The following ASB14 variants were observed in gnomAD, a reference collection of about 807,000 sequenced individuals.
The protein encoded by ASB14 is ankyrin repeat and SOCS box protein 14.
Under a neutral mutation model 55.6 loss-of-function variants are expected in ASB14, and 63 were observed. The ratio of observed to expected loss-of-function variants is 1.13; its 90% CI spans 0.92 to 1.40. The LOEUF is 1.40. Among genes scored for constraint, ASB14 ranks in the 40% most tolerant of loss-of-function variants. ASB14 has a pLI of 0.00. For missense variants in ASB14, 724 were observed against 710.4 expected (o/e 1.02, Z -0.22); for synonymous variants, 256 against 259.9 (o/e 0.98, Z 0.15).
chr3:57,282,810 T>C (rs1371509978), intron 6 of ASB14, among the ~76,000 whole-genome samples: 1 of 152,148 alleles, frequency 6.6e-6, no homozygotes, highest in Non-Finnish European at 1.5e-5. Context: ...CTAAAGCCAT[T>C]TGGTAACAGA....
At chr3:57,274,161 G>C (rs2060968288) in intron 10 of ASB14, among the ~76,000 whole-genome samples, 1 of 151,762 alleles carries the variant, frequency 6.6e-6, no homozygotes, top group Admixed American at 6.6e-5. Flanking sequence ...CCCTACACTA[G>C]AAAAAAAATC....
intron 8 of ASB14, 116 bp downstream of exon 8, chr3:57,278,261 T>C: frequency 1.4e-6 from 1 of 708,710 alleles, no homozygotes; most frequent in Non-Finnish European, 2.3e-6. Context: ...ATAATTATTA[T>C]ACTAGGATCT....
chr3:57,275,973 A>T (rs2060982431), intron 10 of ASB14, among the ~76,000 whole-genome samples: 1 of 152,184 alleles, frequency 6.6e-6, no homozygotes, highest in African/African-American at 2.4e-5. Context: ...AAAATACAGT[A>T]TGTTTAGGGT....
At chr3:57,276,456 G>A in intron 10 of ASB14, 72 bp downstream of exon 10, 2 of 1,146,446 alleles carry the variant, frequency 1.7e-6, no homozygotes, top group Non-Finnish European at 2.5e-6. Flanking sequence ...TGAGATTTTA[G>A]TTGGTGGGTA....
At chr3:57,288,889 C>A (rs1207535916) in intron 3 of ASB14, 179 bp downstream of exon 3, 4 of 425,250 alleles carry the variant, frequency 9.4e-6, no homozygotes, top group Non-Finnish European at 1.7e-5. Context: ...TAATTTTTTG[C>A]ATTTTTAGTA....
At chr3:57,288,733 G>A (rs976933244) in intron 3 of ASB14, among the ~76,000 whole-genome samples, 5 of 46,894 alleles carry the variant, frequency 1.1e-4, no homozygotes, top group Admixed American at 3.9e-4. Flanking sequence ...TTTTTTTTGT[G>A]AGACGGAGTC....
At chr3:57,288,729 T>C (rs1189779274) in intron 3 of ASB14, among the ~76,000 whole-genome samples, 3 of 126,302 alleles carry the variant, frequency 2.4e-5, no homozygotes, top group South Asian at 2.4e-4. Context: ...TTTTTTTTTT[T>C]TGTGAGACGG....
chr3:57,291,896 A>T lies in ASB14; in HGVS notation c.122+16T>A. On this transcript the variant is annotated intron_variant, in intron 2 of 10. Transcript: ENST00000487349. ...TACAACACTTAATACTATATTGCCG[A>T]TGAGAAAACCATTACCTCTCATCCT... The T allele has an allele frequency of 6.6e-7, 1 of 1,522,640 alleles. No homozygotes were observed. Among genetic ancestry groups the T allele is most frequent in the Non-Finnish European group, 8.8e-7 (1 of 1,134,148 alleles). 94.3% of individuals were successfully genotyped at this position (1,522,640 alleles called of 1,614,324 possible).
chr3:57,275,974 T>C (rs529876045), intron 10 of ASB14, among the ~76,000 whole-genome samples: 5 of 152,290 alleles, frequency 3.3e-5, no homozygotes, highest in African/African-American at 1.2e-4. Context: ...AAATACAGTA[T>C]GTTTAGGGTT....
At chr3:57,286,536 A>T (rs2061082223) in intron 5 of ASB14, among the ~76,000 whole-genome samples, 1 of 152,194 alleles carries the variant, frequency 6.6e-6, no homozygotes, top group Non-Finnish European at 1.5e-5. Flanking sequence ...AACTTTATCC[A>T]TCTCGCTATT....
At chr3:57,283,752 T>C (rs12488822) in intron 5 of ASB14, among the ~76,000 whole-genome samples, 102,504 of 151,756 alleles carry the variant, frequency 0.68, 34,991 homozygotes, top group East Asian at 0.92. Flanking sequence ...TTATTCAGTA[T>C]AGTCCTGGAA....
At chr3:57,281,090 T>TA (rs1439238986) in intron 6 of ASB14, among the ~76,000 whole-genome samples, 1 of 152,174 alleles carries the variant, frequency 6.6e-6, no homozygotes, top group Non-Finnish European at 1.5e-5. Context: ...GCACTACACT[T>TA]ACAAGTTGCA....
chr3:57,268,417 AAC>A lies in ASB14; in HGVS notation c.*1222_*1223del. On this transcript the variant is annotated 3_prime_UTR_variant, in exon 11 of 11. Transcript: ENST00000487349. ...CTTTAGGATCGTAGGGCATCAGAAAAACAAAAAGAAATAGAGAGAGTAAAAGA... is the reference window on the plus strand; with the variant it reads ...CTTTAGGATCGTAGGGCATCAGAAAAAAAAAGAAATAGAGAGAGTAAAAGA... The A allele has an allele frequency of 6.3e-7, 1 of 1,594,998 alleles. No individual in the cohort carries two copies. Among genetic ancestry groups the A allele is most frequent in the Non-Finnish European group, 8.5e-7 (1 of 1,169,616 alleles).
chr3:57,283,845 AAC>A (rs1310534553), intron 5 of ASB14, among the ~76,000 whole-genome samples: 2 of 151,988 alleles, frequency 1.3e-5, no homozygotes, highest in African/African-American at 2.4e-5. Context: ...TTAAAAAAAA[AAC>A]AAAAACAAAA....
Position 57,269,095 on chromosome 3 carries a change from TGGCAAAGATGACATTGAAGTGA to T in ASB14, c.*524_*545del, listed in dbSNP as rs2060916459. 6.3e-6 allele frequency: 1 copy of T among 157,568 alleles called. No homozygotes were observed. The highest frequency in any genetic ancestry group is 6.3e-5 in the Admixed American group (1 of 15,952). The allele number at this position is 157,568 out of a possible 1,614,324, so 9.8% of individuals were successfully genotyped here. A position where few individuals can be genotyped will look rare whatever the true frequency, so the allele number is the denominator to read the frequency against. On this transcript the variant is annotated 3_prime_UTR_variant, in exon 11 of 11. Coordinates refer to ENST00000487349, the MANE Select transcript of ASB14 (RefSeq NM_001142733.3). ...GCTCTCTGGACAAAGAAGAGGGAAG[TGGCAAAGATGACATTGAAGTGA>T]GGCTTTCTTGATAGGCGAGGCTGAG...
intron 5 of ASB14, 78 bp downstream of exon 5, chr3:57,287,823 A>G (rs1418163404): frequency 6.9e-7 from 1 of 1,439,358 alleles, no homozygotes; most frequent in Non-Finnish European, 9.3e-7. Context: ...ACTATGCATA[A>G]AAAGCTGCCT....
chr3:57,284,114 GTGTGTGTGTGTA>G (rs1188335571), intron 5 of ASB14, among the ~76,000 whole-genome samples: 1 of 151,104 alleles, frequency 6.6e-6, no homozygotes, highest in African/African-American at 2.4e-5. Flanking sequence ...GTGTGTGTGT[GTGTGTGTGTGTA>G]TGTATGTAAA....
chr3:57,278,358 G>T lies in ASB14; in HGVS notation c.1431+19C>A, dbSNP rs1248144550. The stretch of plus-strand genomic sequence containing the variant: ...CAAATAATGACTGTAAGGGAATACA[G>T]CCAATACTGTGGACTTACCTTAGTA... On this transcript the variant is annotated intron_variant, in intron 8 of 10. Transcript: ENST00000487349. 1 of 1,588,704 alleles carries T rather than the reference G, an allele frequency of 6.3e-7. No individual in the cohort carries two copies.
intron 10 of ASB14, chr3:57,273,577 A>ATAAT (rs1248449966): frequency 6.6e-6 from 1 of 152,608 alleles, no homozygotes; most frequent in African/African-American, 2.4e-5. Context: ...TAGCCCAACT[A>ATAAT]TAATTCCACA....
Sources: allele counts gnomAD v4.1 joint callset (sites outside exome capture counted in the v4.1 genomes callset), GRCh38; gene constraint gnomAD v4.1.1; transcripts MANE v1.5; gene names NCBI Gene and HGNC (gene_info 2026-07-23, HGNC 2026-07-21).